Variants in PALM2AKAP2 observed in about 807,000 individuals in gnomAD.
The protein encoded by PALM2AKAP2 is PALM2-AKAP2 fusion protein.
In PALM2AKAP2, 37 loss-of-function variants were observed where a neutral mutation model predicts 71.5. That is an observed-to-expected ratio of 0.52 (90% CI 0.40 to 0.68). PALM2AKAP2 has a LOEUF of 0.68. Among genes scored for constraint, PALM2AKAP2 ranks in the 30% least tolerant of loss-of-function variants. The pLI is 0.00. For synonymous variants in PALM2AKAP2, 468 were observed against 478.8 expected (o/e 0.98, Z 0.29); for missense variants, 1,224 against 1,191.8 (o/e 1.03, Z -0.40).
At chr9:110,072,662 A>G (rs1341735593) in intron 1 of PALM2AKAP2, among the ~76,000 whole-genome samples, 1 of 152,138 alleles carries the variant, frequency 6.6e-6, no homozygotes, top group Non-Finnish European at 1.5e-5. Context: ...CAGTGTTCAT[A>G]GGGCATAAAT....
At chr9:110,122,263 A>G (rs1588121438) in intron 1 of PALM2AKAP2, among the ~76,000 whole-genome samples, 1 of 152,156 alleles carries the variant, frequency 6.6e-6, no homozygotes, top group Non-Finnish European at 1.5e-5. Context: ...CCTGGACCCA[A>G]GTGATCGATT....
chr9:109,679,593 G>T (rs894263230), intron 1 of PALM2AKAP2, among the ~76,000 whole-genome samples: 2 of 152,090 alleles, frequency 1.3e-5, no homozygotes, highest in African/African-American at 2.4e-5. Flanking sequence ...ATAATATTGG[G>T]TTTTTCTTAC....
At chr9:110,136,695 C>G (rs1835881880) in exon 2 of PALM2AKAP2, 1 of 1,614,068 alleles carries the variant, frequency 6.2e-7, no homozygotes, top group African/African-American at 1.3e-5. Flanking sequence ...CCTGTCAGCC[C>G]CAGCTCCACA....
In PALM2AKAP2 at chr9:109,667,270, C is replaced by A. The variant is rs920813190; in HGVS notation, c.5+26404C>A. Reference sequence around the variant, plus strand: ...CAGATAGATAAAAAGAACAGCTATCCCCTAAAGGAAGACACAGACACCACC... The same window carrying A: ...CAGATAGATAAAAAGAACAGCTATCACCTAAAGGAAGACACAGACACCACC... On this transcript the variant is annotated intron_variant, in intron 1 of 6. Coordinates refer to the PALM2AKAP2 transcript ENST00000374531. Among the ~76,000 whole-genome samples, 9 of 152,200 alleles carry A rather than the reference C, an allele frequency of 5.9e-5. No individual in the cohort carries two copies. The South Asian group carries it at 1.7e-3, about 28-fold the overall frequency.
At chr9:110,126,431 G>C (rs1490682552) in intron 1 of PALM2AKAP2, among the ~76,000 whole-genome samples, 1 of 152,190 alleles carries the variant, frequency 6.6e-6, no homozygotes, top group African/African-American at 2.4e-5. Context: ...GGTTACCCTA[G>C]AAATCTCACC....
intron 1 of PALM2AKAP2, among the ~76,000 whole-genome samples, chr9:109,815,124 G>A (rs12237683): frequency 0.18 from 26,943 of 152,104 alleles, 2,793 homozygotes; most frequent in East Asian, 0.35. Flanking sequence ...GCATGGATTT[G>A]ATAGTTATGT....
intron 3 of PALM2AKAP2, among the ~76,000 whole-genome samples, chr9:109,923,130 C>A (rs1830875268): frequency 6.6e-6 from 1 of 152,106 alleles, no homozygotes; most frequent in South Asian, 2.1e-4. Flanking sequence ...TGAAATTTCC[C>A]TTTTATAAAA....
intron 1 of PALM2AKAP2, among the ~76,000 whole-genome samples, chr9:110,071,856 A>G (rs1299840598): frequency 6.6e-6 from 1 of 152,132 alleles, no homozygotes; most frequent in Non-Finnish European, 1.5e-5. Flanking sequence ...AACTAACCTT[A>G]TATAGTCTTC....
At chr9:109,767,261 AGAGTGAAGG>A (rs907485770) in intron 1 of PALM2AKAP2, among the ~76,000 whole-genome samples, 1 of 152,102 alleles carries the variant, frequency 6.6e-6, no homozygotes, top group Non-Finnish European at 1.5e-5. Flanking sequence ...CTCCAACCCC[AGAGTGAAGG>A]TCTCCTGGCT....
chr9:109,877,356 G>A (rs1829743615), intron 2 of PALM2AKAP2, among the ~76,000 whole-genome samples: 1 of 152,082 alleles, frequency 6.6e-6, no homozygotes, highest in Non-Finnish European at 1.5e-5. Flanking sequence ...ATAAATGGAT[G>A]AATTGGGAAA....
intron 1 of PALM2AKAP2, among the ~76,000 whole-genome samples, chr9:109,859,173 G>A (rs942588734): frequency 1.3e-5 from 2 of 152,120 alleles, no homozygotes; most frequent in Admixed American, 1.3e-4. Context: ...ACTAATCAAT[G>A]TCTTCTTTTT....
intron 2 of PALM2AKAP2, among the ~76,000 whole-genome samples, chr9:110,154,711 T>C (rs1336325255): frequency 6.6e-6 from 1 of 152,228 alleles, no homozygotes; most frequent in Non-Finnish European, 1.5e-5. Flanking sequence ...GCAACAAATT[T>C]CACTGTTATT....
chr9:109,767,139 C>T (rs1309226519), intron 1 of PALM2AKAP2, among the ~76,000 whole-genome samples: 1 of 152,156 alleles, frequency 6.6e-6, no homozygotes, highest in Non-Finnish European at 1.5e-5. Flanking sequence ...TTTAAACTCA[C>T]CTTGTAAGCT....
exon 2 of PALM2AKAP2, chr9:110,137,325 A>T (rs771684808): frequency 1.2e-6 from 2 of 1,614,092 alleles, no homozygotes. Context: ...GGGTCAGTCA[A>T]CTCAGACAAG....
In PALM2AKAP2 at chr9:110,168,303, T is replaced by A. The variant is rs79624421; in HGVS notation, c.2749-96T>A. ...TGCTTTATCACTTTCTCCTCTCAAG[T>A]TGATAAAGAGAAAGGAAGAAAGAAA... On this transcript the variant is annotated intron_variant, in intron 3 of 3. Transcript: ENST00000374525. 346 of 1,450,702 alleles carry A rather than the reference T, an allele frequency of 2.4e-4. 2 individuals are homozygous for A. The East Asian group carries it at 7.9e-3, about 33-fold the overall frequency. 89.9% of individuals were successfully genotyped at this position (1,450,702 alleles called of 1,614,324 possible).
chr9:109,757,755 G>C (rs574152337), intron 1 of PALM2AKAP2, among the ~76,000 whole-genome samples: 1 of 151,600 alleles, frequency 6.6e-6, no homozygotes, highest in African/African-American at 2.4e-5. Context: ...ACATGCCAAG[G>C]TTCACCAAAA....
At chr9:109,895,921 T>G (rs558076242) in intron 3 of PALM2AKAP2, among the ~76,000 whole-genome samples, 2 of 152,254 alleles carry the variant, frequency 1.3e-5, no homozygotes, top group Admixed American at 1.3e-4. Flanking sequence ...TTGTGATTCA[T>G]GCCTGTAATC....
chr9:110,117,325 A>G (rs953201744), intron 1 of PALM2AKAP2, among the ~76,000 whole-genome samples: 1 of 151,958 alleles, frequency 6.6e-6, no homozygotes, highest in Non-Finnish European at 1.5e-5. Flanking sequence ...GGGTCCCACT[A>G]TGTTGCCCAG....
intron 1 of PALM2AKAP2, among the ~76,000 whole-genome samples, chr9:109,706,322 C>G (rs1828143840): frequency 6.6e-6 from 1 of 151,918 alleles, no homozygotes; most frequent in Non-Finnish European, 1.5e-5. Context: ...TTGATATTCA[C>G]TACCATGGCA....
Sources: gnomAD v4.1 joint callset for allele counts (sites outside exome capture counted in the v4.1 genomes callset) on GRCh38, gnomAD v4.1.1 for gene constraint, MANE v1.5 for transcripts, NCBI Gene and HGNC (gene_info 2026-07-23, HGNC 2026-07-21) for gene names.